NDUFS4: variants seen among roughly 807,000 people sequenced by gnomAD.
The protein encoded by NDUFS4 is NADH:ubiquinone oxidoreductase subunit S4.
NDUFS4 carries 28 observed loss-of-function variants against 24.3 expected under a neutral mutation model. The ratio of observed to expected loss-of-function variants is 1.15; its 90% CI spans 0.85 to 1.58. The LOEUF (loss-of-function observed/expected upper bound fraction) is 1.58, where lower values mean the gene tolerates loss of function less well. Ranked by LOEUF, NDUFS4 falls within the 40% of genes most tolerant of loss-of-function variation. The probability of loss-of-function intolerance (pLI) is 0.00; values close to 1 mark genes in which losing one functional copy is unlikely to be tolerated. For missense variants in NDUFS4, 223 were observed against 207.9 expected, an observed-to-expected ratio of 1.07 and a Z score of -0.45; for synonymous variants, 93 against 69.7, an observed-to-expected ratio of 1.34 and a Z score of -1.67.
At chr5:53,659,559 G>C (rs1014053551) in intron 4 of NDUFS4, among the ~76,000 whole-genome samples, 3 of 152,050 alleles carry the variant, frequency 2.0e-5, no homozygotes, top group African/African-American at 4.8e-5. Flanking sequence ...CCTCCCTCCA[G>C]CCAGTATTTC....
At chr5:53,678,534 C>CT (rs1357176321) in intron 4 of NDUFS4, among the ~76,000 whole-genome samples, 7 of 152,062 alleles carry the variant, frequency 4.6e-5, no homozygotes, top group Admixed American at 1.3e-4. Context: ...TTTCAGTACC[C>CT]TAATAGGACA....
intron 1 of NDUFS4, among the ~76,000 whole-genome samples, chr5:53,583,124 G>T (rs753903430): frequency 6.6e-6 from 1 of 152,000 alleles, no homozygotes; most frequent in Non-Finnish European, 1.5e-5. Flanking sequence ...TGATCCGCCC[G>T]CCTCGGCCTC....
chr5:53,616,043 C>T (rs1296007118), intron 2 of NDUFS4, among the ~76,000 whole-genome samples: 2 of 151,762 alleles, frequency 1.3e-5, no homozygotes, highest in Non-Finnish European at 3.0e-5. Context: ...ATATCTTAAA[C>T]ATTCAAATAT....
At chr5:53,602,623 T>TA (rs145213418) in intron 1 of NDUFS4, among the ~76,000 whole-genome samples, 2 of 151,930 alleles carry the variant, frequency 1.3e-5, no homozygotes, top group African/African-American at 4.8e-5. Flanking sequence ...TATATTGTAT[T>TA]AAAAAAAAGA....
intron 2 of NDUFS4, among the ~76,000 whole-genome samples, chr5:53,639,724 AT>A (rs1751655939): frequency 6.6e-6 from 1 of 152,188 alleles, no homozygotes; most frequent in Admixed American, 6.6e-5. Flanking sequence ...TCAGGCAGTT[AT>A]AAAAAATATC....
In NDUFS4 at chr5:53,668,616, A is replaced by ATT. The variant is rs951595795; in HGVS notation, c.424+10013_424+10014dup. On this transcript the variant is annotated intron_variant, in intron 4 of 4. Transcript: ENST00000296684. ...AGGCATGCACCACCATGTCCAGCTAATTTTTTTTTTTTTTTTTTTTTTAAA... is the reference window on the plus strand; with the variant it reads ...AGGCATGCACCACCATGTCCAGCTAATTTTTTTTTTTTTTTTTTTTTTTTAAA... Among the ~76,000 whole-genome samples, 45 of 132,310 alleles carry ATT rather than the reference A, an allele frequency of 3.4e-4. 1 individual carries two copies. Among genetic ancestry groups the ATT allele is most frequent in the African/African-American group, 1.2e-3 (42 of 35,180 alleles). The allele number at this position is 132,310 out of a possible 152,430, so 86.8% of individuals were successfully genotyped here.
intron 1 of NDUFS4, among the ~76,000 whole-genome samples, chr5:53,593,105 A>AGATTAG (rs1236603737): frequency 1.3e-5 from 2 of 152,230 alleles, no homozygotes; most frequent in East Asian, 3.9e-4. Context: ...GAGATTGTAG[A>AGATTAG]GATTTAGTGT....
At chr5:53,600,266 T>A (rs1419180402) in intron 1 of NDUFS4, among the ~76,000 whole-genome samples, 1 of 152,066 alleles carries the variant, frequency 6.6e-6, no homozygotes, top group Admixed American at 6.6e-5. Context: ...CCCAAAGTGC[T>A]GGGATTACAG....
At chr5:53,615,037 T>A (rs189956095) in intron 2 of NDUFS4, among the ~76,000 whole-genome samples, 244 of 152,054 alleles carry the variant, frequency 1.6e-3, no homozygotes, top group African/African-American at 5.3e-3. Flanking sequence ...CTGAATATAA[T>A]TATAAAGAAA....
intron 2 of NDUFS4, among the ~76,000 whole-genome samples, chr5:53,607,212 C>T (rs965396241): frequency 6.6e-6 from 1 of 152,082 alleles, no homozygotes; most frequent in Non-Finnish European, 1.5e-5. Context: ...GAGGTGTTGC[C>T]CATGATACAC....
At chr5:53,581,578 C>CT (rs1270016479) in intron 1 of NDUFS4, among the ~76,000 whole-genome samples, 2 of 152,108 alleles carry the variant, frequency 1.3e-5, no homozygotes, top group Non-Finnish European at 2.9e-5. Context: ...TCTGCCTAGA[C>CT]TATTTCTTCT....
intron 2 of NDUFS4, among the ~76,000 whole-genome samples, chr5:53,619,508 A>AAC (rs1554056992): frequency 1.3e-5 from 2 of 149,702 alleles, no homozygotes. Flanking sequence ...AAAAAAAAAA[A>AAC]CACATTATAC....
chr5:53,595,028 C>T (rs1280479720), intron 1 of NDUFS4, among the ~76,000 whole-genome samples: 1 of 151,932 alleles, frequency 6.6e-6, no homozygotes, highest in Admixed American at 6.6e-5. Context: ...TTGAATAGCC[C>T]ACCTTTTCAC....
intron 2 of NDUFS4, among the ~76,000 whole-genome samples, chr5:53,606,692 A>G (rs1417191392): frequency 4.6e-5 from 7 of 152,182 alleles, no homozygotes; most frequent in African/African-American, 7.2e-5. Context: ...ACCAGATCCC[A>G]TAAGAACTGA....
intron 3 of NDUFS4, among the ~76,000 whole-genome samples, chr5:53,655,406 T>TAAA (rs1486874348): frequency 2.0e-5 from 3 of 151,852 alleles, no homozygotes; most frequent in Non-Finnish European, 4.4e-5. Flanking sequence ...AATCATCCTT[T>TAAA]ATGTGCTCTT....
At chr5:53,571,989 A>G (rs978068024) in intron 1 of NDUFS4, among the ~76,000 whole-genome samples, 5 of 152,226 alleles carry the variant, frequency 3.3e-5, no homozygotes, top group Non-Finnish European at 7.3e-5. Flanking sequence ...CCCTACAACT[A>G]AAGACAGATG....
intron 4 of NDUFS4, among the ~76,000 whole-genome samples, chr5:53,679,783 G>A (rs1561405076): frequency 1.3e-5 from 2 of 152,134 alleles, no homozygotes; most frequent in Admixed American, 6.6e-5. Flanking sequence ...CCTGGAGAGT[G>A]TGTGTTGGGA....
chr5:53,598,373 T>G (rs1239295903), intron 1 of NDUFS4, among the ~76,000 whole-genome samples: 2 of 152,144 alleles, frequency 1.3e-5, no homozygotes, highest in African/African-American at 4.8e-5. Context: ...ATATGTATGG[T>G]TTTGAAAGAT....
chr5:53,613,252 T>C (rs1020146566), intron 2 of NDUFS4, among the ~76,000 whole-genome samples: 4 of 152,102 alleles, frequency 2.6e-5, no homozygotes, highest in Middle Eastern at 3.2e-3. Flanking sequence ...GTCTGGACTT[T>C]ACTCACGCAG....
Sources: allele counts gnomAD v4.1 joint callset (sites outside exome capture counted in the v4.1 genomes callset), GRCh38; gene constraint gnomAD v4.1.1; transcripts MANE v1.5; gene names NCBI Gene and HGNC (gene_info 2026-07-23, HGNC 2026-07-21).